Variants in ERI3 observed in about 807,000 individuals in gnomAD.
ERI3 encodes ERI1 exoribonuclease 3.
A neutral mutation model predicts 44.4 loss-of-function variants in ERI3; 18 were observed. The observed-to-expected ratio is 0.41, with a 90% CI of 0.28 to 0.60. The LOEUF (loss-of-function observed/expected upper bound fraction) is 0.60. ERI3 is among the 20% of genes least tolerant of loss of function. The probability of loss-of-function intolerance (pLI) is 0.36; values close to 1 mark genes in which losing one functional copy is unlikely to be tolerated. For synonymous variants in ERI3, 183 were observed against 164.8 expected (o/e 1.11, Z -0.84); for missense variants, 294 against 435.5 (o/e 0.68, Z 2.89).
At chr1:44,287,494 A>G (rs184403627) in intron 6 of ERI3, among the ~76,000 whole-genome samples, 3 of 152,364 alleles carry the variant, frequency 2.0e-5, no homozygotes, top group African/African-American at 7.2e-5. Context: ...TCTCACCTGA[A>G]TAAGAGGCTA....
intron 6 of ERI3, among the ~76,000 whole-genome samples, chr1:44,292,328 A>G (rs144778069): frequency 2.9e-3 from 440 of 152,320 alleles, no homozygotes; most frequent in Non-Finnish European, 4.6e-3. Flanking sequence ...AATCCAAAGA[A>G]TCAGCACACA....
intron 3 of ERI3, among the ~76,000 whole-genome samples, chr1:44,321,576 G>A (rs1646205000): frequency 6.6e-6 from 1 of 152,154 alleles, no homozygotes; most frequent in Non-Finnish European, 1.5e-5. Context: ...CAGGTATCCA[G>A]GATTCCAAGA....
At chr1:44,340,408 T>C (rs1451736938) in intron 2 of ERI3, among the ~76,000 whole-genome samples, 2 of 151,902 alleles carry the variant, frequency 1.3e-5, no homozygotes, top group Non-Finnish European at 2.9e-5. Context: ...GTAATGGCCA[T>C]AGTTTGTGCT....
chr1:44,343,718 G>A (rs1429647854), intron 2 of ERI3, among the ~76,000 whole-genome samples: 1 of 152,146 alleles, frequency 6.6e-6, no homozygotes. Context: ...TGGGGTCCAA[G>A]GTTTATATAG....
intron 4 of ERI3, 149 bp from the exon 5 acceptor site, chr1:44,313,377 T>C (rs1160584010): frequency 1.5e-6 from 1 of 686,052 alleles, no homozygotes; most frequent in African/African-American, 1.8e-5. Flanking sequence ...CCTAGAAGAC[T>C]TGGGAATAAA....
intron 2 of ERI3, among the ~76,000 whole-genome samples, chr1:44,347,285 A>G (rs1646804016): frequency 6.6e-6 from 1 of 152,224 alleles, no homozygotes; most frequent in Admixed American, 6.5e-5. Context: ...TTTATATTTA[A>G]AAAGAAAAAT....
intron 7 of ERI3, among the ~76,000 whole-genome samples, chr1:44,249,220 G>A (rs138658729): frequency 1.0e-3 from 156 of 152,252 alleles, no homozygotes; most frequent in African/African-American, 2.5e-3. Flanking sequence ...GCAGGACAGC[G>A]TACAGGGCAG....
In ERI3 at chr1:44,355,214, TGAACAG is replaced by T. The variant is rs1646977794; in HGVS notation, c.-194_-189del. Reference sequence around the variant, plus strand: ...TCCCCACCGCCCGTTCCCGGCCGCCTGAACAGCGGCAGCCAGCACCACGAGTCCACA... The same window carrying T: ...TCCCCACCGCCCGTTCCCGGCCGCCTCGGCAGCCAGCACCACGAGTCCACA... On this transcript the variant is annotated 5_prime_UTR_variant, in exon 1 of 9. Transcript: ENST00000372257. 1 of 1,189,432 alleles carries T rather than the reference TGAACAG, an allele frequency of 8.4e-7. No homozygotes were observed. The highest frequency in any genetic ancestry group is 1.0e-6 in the Non-Finnish European group (1 of 961,004). The allele number at this position is 1,189,432 out of a possible 1,614,324, so 73.7% of individuals were successfully genotyped here.
chr1:44,242,361 G>A (rs137957217), intron 8 of ERI3, among the ~76,000 whole-genome samples: 2 of 152,324 alleles, frequency 1.3e-5, no homozygotes, highest in East Asian at 1.9e-4. Context: ...CTGAAGCCCA[G>A]AAGACTTCAT....
Position 44,222,013 on chromosome 1 carries a change from G to A in ERI3, c.932-373C>T, listed in dbSNP as rs1484657828. Among the ~76,000 whole-genome samples the A allele has an allele frequency of 2.6e-5, 4 of 152,266 alleles. No homozygotes were observed. In the East Asian group the frequency reaches 7.7e-4, roughly 29 times the overall value. Reference sequence around the variant, plus strand: ...ATCCTTCTTGTTGCTGCCGCGTGGGGACGGCCCGTCCGCCACACTCCGTCT... The same window carrying A: ...ATCCTTCTTGTTGCTGCCGCGTGGGAACGGCCCGTCCGCCACACTCCGTCT... On this transcript the variant is annotated intron_variant, in intron 8 of 8. Transcript: ENST00000372257.
At chr1:44,302,035 TAA>T (rs1256087323) in intron 6 of ERI3, among the ~76,000 whole-genome samples, 3 of 152,166 alleles carry the variant, frequency 2.0e-5, no homozygotes, top group East Asian at 1.9e-4. Flanking sequence ...CCCAATTCAC[TAA>T]GAGAGCTGGA....
chr1:44,248,936 G>C (rs1396195047), intron 7 of ERI3, among the ~76,000 whole-genome samples: 1 of 152,028 alleles, frequency 6.6e-6, no homozygotes, highest in Non-Finnish European at 1.5e-5. Flanking sequence ...CTGGGGGGGG[G>C]ACACACGGCA....
intron 7 of ERI3, among the ~76,000 whole-genome samples, chr1:44,258,408 C>T (rs529854532): frequency 3.3e-5 from 5 of 152,328 alleles, no homozygotes; most frequent in South Asian, 2.1e-4. Context: ...ACAGCATACA[C>T]GCCTTCACTT....
intron 7 of ERI3, among the ~76,000 whole-genome samples, chr1:44,256,301 G>T (rs1000111012): frequency 1.1e-4 from 17 of 152,146 alleles, no homozygotes; most frequent in Admixed American, 2.0e-4. Context: ...TCTTGGAACT[G>T]GGGGCTCAGT....
At chr1:44,274,417 C>T (rs1286148626) in intron 7 of ERI3, among the ~76,000 whole-genome samples, 1 of 152,054 alleles carries the variant, frequency 6.6e-6, no homozygotes, top group Non-Finnish European at 1.5e-5. Context: ...CCCTGATTAC[C>T]CCAAAGGCAA....
intron 3 of ERI3, chr1:44,322,806 T>G (rs1281648776): frequency 5.2e-6 from 8 of 1,546,826 alleles, no homozygotes; most frequent in Middle Eastern, 1.7e-4. Flanking sequence ...GTGGGAGAGG[T>G]GCCCCAATCT....
At chr1:44,326,920 A>C (rs894911066) in intron 3 of ERI3, among the ~76,000 whole-genome samples, 1 of 152,258 alleles carries the variant, frequency 6.6e-6, no homozygotes, top group Non-Finnish European at 1.5e-5. Context: ...TTTTTCAAAA[A>C]CATAATACCA....
intron 7 of ERI3, among the ~76,000 whole-genome samples, chr1:44,270,355 C>T (rs770899105): frequency 2.0e-5 from 3 of 152,180 alleles, no homozygotes; most frequent in African/African-American, 4.8e-5. Context: ...TTAAGAGAAG[C>T]GGCTTATCTA....
At chr1:44,309,044 C>T (rs1332758548) in intron 5 of ERI3, among the ~76,000 whole-genome samples, 2 of 152,168 alleles carry the variant, frequency 1.3e-5, no homozygotes, top group Admixed American at 1.3e-4. Context: ...TCAAATTCAG[C>T]AGAATATTTT....
Sources: allele counts gnomAD v4.1 joint callset (sites outside exome capture counted in the v4.1 genomes callset), GRCh38; gene constraint gnomAD v4.1.1; transcripts MANE v1.5; gene names NCBI Gene and HGNC (gene_info 2026-07-23, HGNC 2026-07-21).